Variants in FILIP1 observed in about 807,000 individuals in gnomAD.
FILIP1 encodes the protein filamin A interacting protein 1.
Under a neutral mutation model 102.1 loss-of-function variants are expected in FILIP1, and 61 were observed. That is an observed-to-expected ratio of 0.60 (90% CI 0.49 to 0.74). The LOEUF (loss-of-function observed/expected upper bound fraction) is 0.74, where lower values mean the gene tolerates loss of function less well. FILIP1 is among the 30% of genes least tolerant of loss of function. The pLI is 0.00. For missense variants in FILIP1, 1,314 were observed against 1,441.2 expected, an observed-to-expected ratio of 0.91 and a Z score of 1.43; for synonymous variants, 491 against 526.9, an observed-to-expected ratio of 0.93 and a Z score of 0.93.
At chr6:75,470,733 T>C (rs956985005) in intron 1 of FILIP1, among the ~76,000 whole-genome samples, 3 of 152,198 alleles carry the variant, frequency 2.0e-5, no homozygotes, top group Non-Finnish European at 2.9e-5. Context: ...CTTACACTGT[T>C]CACAAAATTG....
chr6:75,339,931 G>A (rs1459394175), intron 4 of FILIP1, among the ~76,000 whole-genome samples: 1 of 152,030 alleles, frequency 6.6e-6, no homozygotes, highest in East Asian at 1.9e-4. Flanking sequence ...CTGGGCAACA[G>A]AGCAAGACTC....
chr6:75,374,616 G>A (rs1775692780), intron 2 of FILIP1, among the ~76,000 whole-genome samples: 1 of 152,166 alleles, frequency 6.6e-6, no homozygotes, highest in Admixed American at 6.5e-5. Context: ...CTGACCTCAG[G>A]TGATCTACCC....
Position 75,414,872 on chromosome 6 carries a change from T to C in FILIP1, c.101A>G (p.Glu34Gly). The part of the protein sequence containing the change: ...IGNAGEKSLS[E>G]DAKKKKKSNR... ...TGATTTCTTCTTCTTTTTTGCATCT[T>C]CTGAGAGACTTTTTTCACCAGCATT... The change falls in exon 2 of 6, where the codon GAA (glutamate) becomes GGA (glycine). Residue 34 changes from glutamate (E) to glycine (G), a missense_variant. By Grantham distance (98) the Glu-to-Gly change is moderately conservative (BLOSUM62 -2). Around this residue, in one of 3 missense-constraint regions of FILIP1, gnomAD observed 494 missense variants for 511.2 expected, o/e 0.97. Transcript: ENST00000237172. 1 of 1,613,984 alleles carries C rather than the reference T, an allele frequency of 6.2e-7. No homozygotes were observed. The highest frequency in any genetic ancestry group is 8.5e-7 in the Non-Finnish European group (1 of 1,179,912).
At position 75,315,174 on chromosome 6, in the gene FILIP1, C is replaced by T. The variant is rs1773396384; in HGVS notation, c.658G>A (p.Ala220Thr). ...RLKKLLEQEK[A>T]YQARKEKENA... Reference sequence around the variant, plus strand: ...TCCTTTTCTTTGCGGGCTTGATAAGCCTTTTCTTGTTCAAGGAGCTTTTTT... The same window carrying T: ...TCCTTTTCTTTGCGGGCTTGATAAGTCTTTTCTTGTTCAAGGAGCTTTTTT... Residue 220 changes from alanine (A) to threonine (T), a missense_variant, in exon 5 of 6, where the codon GCT (alanine) becomes ACT (threonine). Around this residue, in one of 3 missense-constraint regions of FILIP1, gnomAD observed 494 missense variants for 511.2 expected, o/e 0.97. Transcript: ENST00000237172. 1 of 1,560,600 alleles carries T rather than the reference C, an allele frequency of 6.4e-7. No individual in the cohort carries two copies. Among genetic ancestry groups the T allele is most frequent in the African/African-American group, 1.4e-5 (1 of 72,180 alleles).
chr6:75,382,400 A>T (rs934770790), intron 2 of FILIP1, among the ~76,000 whole-genome samples: 8 of 152,182 alleles, frequency 5.3e-5, no homozygotes, highest in African/African-American at 1.7e-4. Flanking sequence ...GTTCTGCTTT[A>T]TTGCCAGAGA....
intron 2 of FILIP1, among the ~76,000 whole-genome samples, chr6:75,396,678 T>C (rs750928368): frequency 6.6e-6 from 1 of 152,000 alleles, no homozygotes; most frequent in Non-Finnish European, 1.5e-5. Flanking sequence ...GGGAATGGGA[T>C]CTTAATAATC....
rs1773234836 is a variant in FILIP1 at position 75,312,502 on chromosome 6, G to T, written c.3330C>A (p.Arg1110=). Reference sequence around the variant, plus strand: ...GTGAGGAGAGGTGATTCCTGGGAGAGCGAAGGACAGTGCCGGTGGAAACCT... The same window carrying T: ...GTGAGGAGAGGTGATTCCTGGGAGATCGAAGGACAGTGCCGGTGGAAACCT... ...EKEVSTGTVL[R]SPRNHLSSRP... The change falls in exon 5 of 6, where the codon CGC becomes CGA. Residue 1110 remains arginine, a synonymous_variant. Transcript: ENST00000237172. 7 of 1,614,216 alleles carry T rather than the reference G, an allele frequency of 4.3e-6. No homozygotes were observed. The highest frequency in any genetic ancestry group is 5.9e-6 in the Non-Finnish European group (7 of 1,180,046).
In FILIP1 at chr6:75,493,794, C is replaced by T. The variant is rs1780040353; in HGVS notation, c.-387G>A. ...CTTCACAACACTGTCAGAGCAATGG[C>T]TATGTTGAGGAGCTGAGCTCGCGGG... On this transcript the variant is annotated 5_prime_UTR_variant, in exon 1 of 6. Coordinates refer to ENST00000237172, the MANE Select transcript of FILIP1 (RefSeq NM_015687.5). 6.6e-6 allele frequency: 1 copy of T among 152,146 alleles called. No homozygotes were observed. Among genetic ancestry groups the T allele is most frequent in the Non-Finnish European group, 1.5e-5 (1 of 68,040 alleles). 9.4% of individuals were successfully genotyped at this position (152,146 alleles called of 1,614,324 possible). A position where few individuals can be genotyped will look rare whatever the true frequency, so the allele number is the denominator to read the frequency against.
Position 75,414,735 on chromosome 6 carries a change from G to A in FILIP1, c.238C>T (p.Leu80Phe). The stretch of plus-strand genomic sequence containing the variant: ...TCCATTATACTGAGTAGTTGGATGA[G>A]GTCTTCTTTGGATAACTCCAGGGAT... The part of the protein sequence containing the change: ...KKSLELSKED[L>F]IQLLSIMEGE... The change falls in exon 2 of 6, where the codon CTC becomes TTC. Residue 80 changes from leucine (L) to phenylalanine (F), a missense_variant. Physicochemically the swap from Leu to Phe is conservative, Grantham distance 22. Coordinates refer to ENST00000237172, the MANE Select transcript of FILIP1 (RefSeq NM_015687.5). The A allele has an allele frequency of 6.2e-7, 1 of 1,613,780 alleles. No homozygotes were observed. Among genetic ancestry groups the A allele is most frequent in the Non-Finnish European group, 8.5e-7 (1 of 1,179,750 alleles).
intron 4 of FILIP1, among the ~76,000 whole-genome samples, chr6:75,326,226 T>C (rs1250453024): frequency 1.3e-5 from 2 of 152,244 alleles, no homozygotes; most frequent in East Asian, 1.9e-4. Flanking sequence ...GAAACCATTA[T>C]TCTAAGTGAA....
intron 4 of FILIP1, among the ~76,000 whole-genome samples, chr6:75,349,723 T>C (rs1774721682): frequency 6.6e-6 from 1 of 152,168 alleles, no homozygotes; most frequent in Admixed American, 6.5e-5. Context: ...TGTGGCCGCG[T>C]TGCGCCTCGG....
At position 75,400,510 on chromosome 6, in the gene FILIP1, G is replaced by A. The variant is rs148431397; in HGVS notation, c.276+14187C>T. On this transcript the variant is annotated intron_variant, in intron 2 of 5. Transcript: ENST00000237172. ...GCTATAGGTACCTGAATAGAATGGA[G>A]GGAGGAAAGAAGAGCATGTATACAG... Among the ~76,000 whole-genome samples the A allele has an allele frequency of 1.4e-4, 21 of 152,248 alleles. No individual in the cohort carries two copies. In the East Asian group the frequency reaches 4.1e-3, roughly 29 times the overall value.
intron 4 of FILIP1, among the ~76,000 whole-genome samples, chr6:75,322,664 G>A (rs996195527): frequency 1.3e-5 from 2 of 152,120 alleles, no homozygotes. Context: ...ATTCTTAAAT[G>A]TATTCTTAAT....
At chr6:75,319,842 AG>A in intron 4 of FILIP1, 9 of 425,296 alleles carry the variant, frequency 2.1e-5, no homozygotes, top group South Asian at 5.3e-5. Context: ...AAAAAAAAAA[AG>A]AAAAGAAAAG....
chr6:75,303,329 T>G (rs773561719), downstream of FILIP1, among the ~76,000 whole-genome samples: 7 of 151,926 alleles, frequency 4.6e-5, no homozygotes, highest in Non-Finnish European at 7.4e-5. Flanking sequence ...GTAGATGAAA[T>G]AACCAGAGCC....
rs138274244 is a variant in FILIP1 at position 75,395,783 on chromosome 6, TA to T, written c.276+18913del. ...ATTGTAGTGACACTTTATCAAAAAA[TA>T]AAAGTTTCCGAACACCTGGACAGAA... is the stretch of plus-strand genomic sequence containing the variant. On this transcript the variant is annotated intron_variant, in intron 2 of 5. Transcript: ENST00000237172. 4.9e-3 allele frequency among the ~76,000 whole-genome samples: 740 copies of T among 152,268 alleles called. 3 individuals carry two copies. The highest frequency in any genetic ancestry group is 8.3e-3 in the South Asian group (40 of 4,822).
chr6:75,389,678 C>A (rs536396092), intron 2 of FILIP1, among the ~76,000 whole-genome samples: 190 of 152,246 alleles, frequency 1.2e-3, no homozygotes, highest in African/African-American at 4.4e-3. Flanking sequence ...TTGTAGTATT[C>A]TCTGATGGTA....
At chr6:75,305,443 T>C (rs544468365), downstream of FILIP1, among the ~76,000 whole-genome samples, 105 of 152,202 alleles carry the variant, frequency 6.9e-4, no homozygotes, top group Non-Finnish European at 1.2e-3. Context: ...CTTGAAGACA[T>C]TCGAGTAAGA....
intron 4 of FILIP1, among the ~76,000 whole-genome samples, chr6:75,345,902 T>C (rs796659642): frequency 5.3e-5 from 8 of 152,248 alleles, no homozygotes; most frequent in African/African-American, 1.9e-4. Flanking sequence ...ACAATGTCAT[T>C]AGGGTTCTTT....
Sources: allele counts gnomAD v4.1 joint callset (sites outside exome capture counted in the v4.1 genomes callset), GRCh38; gene constraint gnomAD v4.1.1; regional missense constraint gnomAD v4.1.1; transcripts MANE v1.5; gene names NCBI Gene and HGNC (gene_info 2026-07-23, HGNC 2026-07-21).